The following BTBD16 variants were observed in gnomAD, a reference collection of about 807,000 sequenced individuals.
The protein encoded by BTBD16 is BTB/POZ domain-containing protein 16.
A neutral mutation model predicts 67.4 loss-of-function variants in BTBD16; 66 were observed. The observed-to-expected ratio is 0.98, with a 90% CI of 0.80 to 1.20. The LOEUF (loss-of-function observed/expected upper bound fraction) is 1.20, where lower values mean the gene tolerates loss of function less well. BTBD16 is among the 50% of genes most tolerant of loss of function. The pLI, the probability that BTBD16 is intolerant of heterozygous loss-of-function variation, is 0.00. For missense variants in BTBD16, 634 were observed against 616.0 expected, an observed-to-expected ratio of 1.03 and a Z score of -0.31; for synonymous variants, 242 against 236.4, an observed-to-expected ratio of 1.02 and a Z score of -0.22.
chr10:122,312,277 A>G (rs897116282), intron 10 of BTBD16, among the ~76,000 whole-genome samples: 10 of 145,740 alleles, frequency 6.9e-5, no homozygotes, highest in African/African-American at 2.5e-4. Flanking sequence ...AACACTAGGT[A>G]TCTTCAGTCT....
At chr10:122,294,270 C>T (rs2096379192) in intron 7 of BTBD16, 1 of 943,230 alleles carries the variant, frequency 1.1e-6, no homozygotes, top group Non-Finnish European at 1.3e-6. Context: ...CCCCAGGTCA[C>T]TCTGATAGCA....
rs765295997 is a variant in BTBD16 at position 122,332,456 on chromosome 10, G to T, written c.1107G>T (p.Met369Ile). ...TTCAGCTGGAGAATGGGGGCGACAT[G>T]GTCCACCTGAAAGATCTTAACACCC... ...HYHALENGGD[M>I]VHLKDLNTQA... Residue 369 changes from methionine to isoleucine, a missense_variant, in exon 13 of 16, where the codon ATG becomes ATT. By Grantham distance (10) the Met-to-Ile change is conservative (BLOSUM62 1). Coordinates refer to ENST00000260723, the MANE Select transcript of BTBD16 (RefSeq NM_144587.5). 5.6e-6 allele frequency: 9 copies of T among 1,613,974 alleles called. No individual in the cohort carries two copies. Among genetic ancestry groups the T allele is most frequent in the Non-Finnish European group, 7.6e-6 (9 of 1,180,022 alleles).
rs574202731 is a variant in BTBD16, at chr10:122,331,228, C to T, written c.1056C>T (p.Leu352=). The part of the protein sequence containing the change: ...RHLNFFPESW[L]DQVTVNHYHA... ...TTAACTTCTTCCCAGAGTCATGGCT[C>T]GACCAGGTTACAGTCAACCATTACC... The change falls in exon 12 of 16, where the codon CTC becomes CTT. Residue 352 remains leucine (L), a synonymous_variant. Transcript: ENST00000260723. The T allele has an allele frequency of 6.2e-6, 10 of 1,613,956 alleles. No individual in the cohort carries two copies. The highest frequency in any genetic ancestry group is 1.7e-4 in the Middle Eastern group (1 of 6,060).
intron 13 of BTBD16, 90 bp from the exon 14 acceptor site, chr10:122,334,791 G>A: frequency 1.3e-6 from 1 of 768,152 alleles, no homozygotes; most frequent in Non-Finnish European, 2.2e-6. Flanking sequence ...CAAAGTGCTG[G>A]GATTACAGGT....
chr10:122,334,551 G>A (rs1419828435), intron 13 of BTBD16, among the ~76,000 whole-genome samples: 1 of 124,776 alleles, frequency 8.0e-6, no homozygotes, highest in South Asian at 2.6e-4. Context: ...CTGTCACCCA[G>A]GCTGGAGTGC....
intron 12 of BTBD16, 52 bp downstream of exon 12, chr10:122,331,310 G>A: frequency 1.3e-6 from 2 of 1,599,168 alleles, no homozygotes; most frequent in Non-Finnish European, 1.7e-6. Flanking sequence ...TTGCCTCTCT[G>A]ACTTTGTTTT....
intron 10 of BTBD16, among the ~76,000 whole-genome samples, chr10:122,317,063 A>G (rs2096426341): frequency 6.6e-6 from 1 of 152,152 alleles, no homozygotes. Flanking sequence ...TGTTGGGATT[A>G]CAGGCGTGAG....
chr10:122,290,051 C>T, intron 6 of BTBD16, 53 bp downstream of exon 6: 1 of 1,257,682 alleles, frequency 8.0e-7, no homozygotes, highest in Non-Finnish European at 1.1e-6. Flanking sequence ...AATGGTCCTC[C>T]CAGATTTAAA....
Position 122,338,009 on chromosome 10 carries a change from T to C in BTBD16, c.1453-8T>C. ...GTCACATTCACTTTGTTTTTTTTCA[T>C]GTTTTAGACCTTGAAAATCCAAACT... On this transcript the variant is annotated splice_region_variant and splice_polypyrimidine_tract_variant and intron_variant, in intron 15 of 15. Coordinates refer to ENST00000260723, the MANE Select transcript of BTBD16 (RefSeq NM_144587.5). 1.2e-6 allele frequency: 2 copies of C among 1,607,042 alleles called. No homozygotes were observed. Among genetic ancestry groups the C allele is most frequent in the African/African-American group, 1.3e-5 (1 of 74,866 alleles).
chr10:122,306,158 A>G (rs2096403367), intron 9 of BTBD16, among the ~76,000 whole-genome samples: 1 of 152,180 alleles, frequency 6.6e-6, no homozygotes, highest in East Asian at 1.9e-4. Flanking sequence ...AGATTTGAAG[A>G]TGCTGAACTG....
At chr10:122,298,180 G>T (rs1229067674) in intron 8 of BTBD16, among the ~76,000 whole-genome samples, 1 of 152,152 alleles carries the variant, frequency 6.6e-6, no homozygotes, top group Non-Finnish European at 1.5e-5. Flanking sequence ...GTGTGTCAGG[G>T]TTAGGAATAA....
At chr10:122,278,865 C>G (rs1255528098) in intron 3 of BTBD16, among the ~76,000 whole-genome samples, 1 of 152,198 alleles carries the variant, frequency 6.6e-6, no homozygotes, top group Non-Finnish European at 1.5e-5. Flanking sequence ...GGGCTCTGTT[C>G]CATGAGCCTC....
rs1288145762 is a variant in BTBD16 at position 122,298,919 on chromosome 10, A to G, written c.661-85A>G. 2.6e-6 allele frequency: 4 copies of G among 1,550,456 alleles called. No individual in the cohort carries two copies. In the African/African-American group the frequency reaches 5.5e-5, roughly 21 times the overall value. On this transcript the variant is annotated intron_variant, in intron 8 of 15. Transcript: ENST00000260723. The stretch of plus-strand genomic sequence containing the variant: ...CGCCTCTGCAGTGACTCTCCCTCTG[A>G]GCACACGTGTAGTGTCGTCTCAGGC...
chr10:122,313,721 G>A (rs990618477), intron 10 of BTBD16, among the ~76,000 whole-genome samples: 6 of 152,086 alleles, frequency 3.9e-5, no homozygotes, highest in Non-Finnish European at 7.4e-5. Context: ...CCATGGTCAC[G>A]GTCCTTCTTT....
intron 10 of BTBD16, among the ~76,000 whole-genome samples, chr10:122,308,251 G>T (rs1017721125): frequency 1.3e-5 from 2 of 152,190 alleles, no homozygotes; most frequent in Non-Finnish European, 2.9e-5. Context: ...GGGAGTTAAG[G>T]TGTGGGCCCC....
At chr10:122,301,413 G>C (rs926371191) in intron 9 of BTBD16, among the ~76,000 whole-genome samples, 4 of 152,152 alleles carry the variant, frequency 2.6e-5, no homozygotes, top group African/African-American at 9.7e-5. Context: ...AATGGGTCCT[G>C]CTCCTCCGGC....
chr10:122,277,977 G>A (rs768530227), intron 3 of BTBD16, among the ~76,000 whole-genome samples: 1 of 152,204 alleles, frequency 6.6e-6, no homozygotes, highest in Admixed American at 6.5e-5. Flanking sequence ...AGTGAGCATG[G>A]ACTGTACTCC....
intron 7 of BTBD16, among the ~76,000 whole-genome samples, chr10:122,294,612 C>A (rs1364033600): frequency 1.3e-5 from 2 of 152,252 alleles, no homozygotes; most frequent in African/African-American, 4.8e-5. Flanking sequence ...TTGGGTTCCT[C>A]CAGGCTCACA....
chr10:122,336,057 A>G (rs1173376518), intron 14 of BTBD16, among the ~76,000 whole-genome samples: 1 of 152,106 alleles, frequency 6.6e-6, no homozygotes, highest in Non-Finnish European at 1.5e-5. Flanking sequence ...ATTTTCCAGT[A>G]CCTCATATGT....
Sources: gnomAD v4.1 joint callset for allele counts (sites outside exome capture counted in the v4.1 genomes callset) on GRCh38, gnomAD v4.1.1 for gene constraint, MANE v1.5 for transcripts, NCBI Gene and HGNC (gene_info 2026-07-23, HGNC 2026-07-21) for gene names.